CLVS1: variants seen among roughly 807,000 people sequenced by gnomAD.
CLVS1 encodes clavesin-1.
A neutral mutation model predicts 33.1 loss-of-function variants in CLVS1; 10 were observed. That is an observed-to-expected ratio of 0.30 (90% confidence interval 0.19 to 0.51). The LOEUF is 0.51. Among genes scored for constraint, CLVS1 ranks in the 20% least tolerant of loss-of-function variants. The probability of loss-of-function intolerance (pLI) is 0.97; values close to 1 mark genes in which losing one functional copy is unlikely to be tolerated. For missense variants in CLVS1, 343 were observed against 433.4 expected (o/e 0.79, Z 1.85); for synonymous variants, 163 against 166.1 (o/e 0.98, Z 0.14).
At chr8:61,022,106 A>G in the CLVS1 span, among the ~76,000 whole-genome samples, 1 of 152,234 alleles carries the variant, frequency 6.6e-6, no homozygotes, top group African/African-American at 2.4e-5. Context: ...TGAGTGTCAG[A>G]GCACATTCAC....
intron 5 of CLVS1, among the ~76,000 whole-genome samples, chr8:61,468,201 G>C (rs1429581865): frequency 1.3e-5 from 2 of 152,142 alleles, no homozygotes; most frequent in African/African-American, 4.8e-5. Flanking sequence ...GAAAGCTCAA[G>C]GCCCCCAACT....
the CLVS1 span, among the ~76,000 whole-genome samples, chr8:61,043,531 G>C: frequency 6.6e-6 from 1 of 152,206 alleles, no homozygotes; most frequent in African/African-American, 2.4e-5. Flanking sequence ...CTTTACTAGG[G>C]CAGATTATCA....
chr8:61,328,503 T>C (rs1052970998), intron 2 of CLVS1, among the ~76,000 whole-genome samples: 5 of 151,254 alleles, frequency 3.3e-5, no homozygotes, highest in Non-Finnish European at 7.4e-5. Context: ...TTACCAGCTG[T>C]CCCCTTTCAC....
At chr8:61,081,053 A>G (rs1033496715) in intron 1 of CLVS1, among the ~76,000 whole-genome samples, 2 of 152,220 alleles carry the variant, frequency 1.3e-5, no homozygotes, top group East Asian at 1.9e-4. Context: ...GTAGGAGATC[A>G]ATGAGAATTA....
rs201381446 is a variant in CLVS1, at chr8:61,229,882, C to T, written c.-151-69795C>T. Among the ~76,000 whole-genome samples the T allele has an allele frequency of 2.0e-5, 3 of 152,326 alleles. No individual in the cohort carries two copies. In the East Asian group the frequency reaches 5.8e-4, roughly 29 times the overall value. On this transcript the variant is annotated intron_variant, in intron 2 of 2. Transcript: ENST00000522621. ...CCTCAAGTGATCTGCCCACCTTGGCCTCCCAAAGAGTGGGATTACAGGCCT... is the reference window on the plus strand; with the variant it reads ...CCTCAAGTGATCTGCCCACCTTGGCTTCCCAAAGAGTGGGATTACAGGCCT...
chr8:61,309,824 T>C (rs1416362786), intron 2 of CLVS1, among the ~76,000 whole-genome samples: 2 of 152,228 alleles, frequency 1.3e-5, no homozygotes, highest in Non-Finnish European at 2.9e-5. Context: ...CTTCTTCTGA[T>C]TAAAACCCCG....
chr8:61,247,267 T>C (rs1808833969), intron 2 of CLVS1, among the ~76,000 whole-genome samples: 1 of 152,214 alleles, frequency 6.6e-6, no homozygotes. Flanking sequence ...CTTGTGTGCA[T>C]GTGTCTTTAT....
At chr8:61,415,698 T>C (rs1020202090) in intron 3 of CLVS1, among the ~76,000 whole-genome samples, 2 of 152,140 alleles carry the variant, frequency 1.3e-5, no homozygotes, top group Admixed American at 6.5e-5. Context: ...CCATGCTGTT[T>C]GCTTTCACAC....
chr8:60,993,902 T>G, the CLVS1 span, among the ~76,000 whole-genome samples: 1 of 152,222 alleles, frequency 6.6e-6, no homozygotes, highest in Non-Finnish European at 1.5e-5. Context: ...GATGTGTTTT[T>G]ATTCTTTCTC....
chr8:61,392,676 G>C (rs1451750489), intron 3 of CLVS1, among the ~76,000 whole-genome samples: 2 of 151,734 alleles, frequency 1.3e-5, no homozygotes, highest in Admixed American at 6.6e-5. Context: ...TTGCCAACAT[G>C]GTGAAACACC....
chr8:61,045,537 A>G, the CLVS1 span, among the ~76,000 whole-genome samples: 388 of 152,350 alleles, frequency 2.5e-3, 1 homozygote, highest in African/African-American at 8.1e-3. Context: ...AAGCAGTTGA[A>G]TCACCTTCTT....
chr8:61,121,579 TATC>T (rs765055182), intron 1 of CLVS1, among the ~76,000 whole-genome samples: 1 of 152,204 alleles, frequency 6.6e-6, no homozygotes, highest in Non-Finnish European at 1.5e-5. Context: ...GAAATAAAAT[TATC>T]ATACAGAATT....
At chr8:61,373,025 C>T (rs1813501340) in intron 2 of CLVS1, among the ~76,000 whole-genome samples, 1 of 152,300 alleles carries the variant, frequency 6.6e-6, no homozygotes, top group South Asian at 2.1e-4. Context: ...ATGCTCAGCT[C>T]ACTTATGGAG....
In CLVS1 at chr8:61,492,304, C is replaced by T. The variant is rs147274862; in HGVS notation, c.978-7151C>T. On this transcript the variant is annotated intron_variant, in intron 5 of 5. Coordinates refer to ENST00000325897, the MANE Select transcript of CLVS1 (RefSeq NM_173519.3). ...ATCCACCTAGTGTATAATTTCACTGCGTGAGTTAAATAAATATTAATGAGA... is the reference window on the plus strand; with the variant it reads ...ATCCACCTAGTGTATAATTTCACTGTGTGAGTTAAATAAATATTAATGAGA... Among the ~76,000 whole-genome samples the T allele has an allele frequency of 2.1e-3, 313 of 152,248 alleles. 1 individual carries two copies. The highest frequency in any genetic ancestry group is 7.1e-3 in the African/African-American group (294 of 41,542).
intron 1 of CLVS1, among the ~76,000 whole-genome samples, chr8:61,062,284 C>T (rs1263616873): frequency 6.6e-6 from 1 of 152,184 alleles, no homozygotes; most frequent in African/African-American, 2.4e-5. Flanking sequence ...GTCTACTGCA[C>T]AAGCCAGCTG....
chr8:61,232,023 G>GTTTGTTTGTTTGTTTTTGTTTTTTTTT lies in CLVS1; in HGVS notation c.-151-67651_-151-67650insGTTTGTTTGTTTTTGTTTTTTTTTTTT. On this transcript the variant is annotated intron_variant, in intron 2 of 2. Transcript: ENST00000522621. The stretch of plus-strand genomic sequence containing the variant: ...AGAAGGAGCCCTGAGGAAAGTTGTG[G>GTTTGTTTGTTTGTTTTTGTTTTTTTTT]TTTTTTTTTTTTTTTTTTTTTTTTT... Among the ~76,000 whole-genome samples the GTTTGTTTGTTTGTTTTTGTTTTTTTTT allele has an allele frequency of 3.2e-5, 2 of 62,628 alleles. 1 individual carries two copies. The highest frequency in any genetic ancestry group is 9.5e-5 in the African/African-American group (2 of 21,094). The allele number at this position is 62,628 out of a possible 152,430, so 41.1% of individuals were successfully genotyped here.
At chr8:61,314,928 T>G (rs1261195655) in intron 2 of CLVS1, among the ~76,000 whole-genome samples, 1 of 152,214 alleles carries the variant, frequency 6.6e-6, no homozygotes, top group Non-Finnish European at 1.5e-5. Context: ...GGAATCCCAA[T>G]AAATAAAGTA....
intron 2 of CLVS1, among the ~76,000 whole-genome samples, chr8:61,158,170 G>T (rs186099790): frequency 1.3e-5 from 2 of 152,252 alleles, no homozygotes; most frequent in Admixed American, 6.5e-5. Context: ...CAATATAGAT[G>T]AATCTCAAAA....
At chr8:61,456,632 A>C (rs1817167455) in intron 4 of CLVS1, among the ~76,000 whole-genome samples, 1 of 152,090 alleles carries the variant, frequency 6.6e-6, no homozygotes, top group Non-Finnish European at 1.5e-5. Flanking sequence ...AAAATCACAT[A>C]TAGGCTGGGC....
Sources: gnomAD v4.1 joint callset for allele counts (sites outside exome capture counted in the v4.1 genomes callset) on GRCh38, gnomAD v4.1.1 for gene constraint, MANE v1.5 for transcripts, NCBI Gene and HGNC (gene_info 2026-07-23, HGNC 2026-07-21) for gene names.